PALM2AKAP2: variants seen among roughly 807,000 people sequenced by gnomAD.
PALM2AKAP2 encodes the protein PALM2-AKAP2 fusion protein.
In PALM2AKAP2, 37 loss-of-function variants were observed where a neutral mutation model predicts 71.5. The ratio of observed to expected loss-of-function variants is 0.52; its 90% CI spans 0.40 to 0.68. PALM2AKAP2 has a LOEUF of 0.68. Ranked by LOEUF, PALM2AKAP2 falls within the 30% of genes least tolerant of loss-of-function variation. The probability of loss-of-function intolerance (pLI) is 0.00; values close to 1 mark genes in which losing one functional copy is unlikely to be tolerated. For missense variants in PALM2AKAP2, 1,224 were observed against 1,191.8 expected (o/e 1.03, Z -0.40); for synonymous variants, 468 against 478.8 (o/e 0.98, Z 0.29).
At chr9:109,946,770 G>T (rs1016950493) in intron 6 of PALM2AKAP2, 1 of 151,290 alleles carries the variant, frequency 6.6e-6, no homozygotes, top group Non-Finnish European at 1.5e-5. Flanking sequence ...GGAAAAGGGG[G>T]GGTATCTCAT....
chr9:109,855,697 A>G (rs1018835279), intron 1 of PALM2AKAP2, among the ~76,000 whole-genome samples: 5 of 152,166 alleles, frequency 3.3e-5, no homozygotes, highest in African/African-American at 7.2e-5. Flanking sequence ...AAAATTTTCT[A>G]CTTTTAAACC....
At chr9:109,670,181 C>A (rs1827553209) in intron 1 of PALM2AKAP2, among the ~76,000 whole-genome samples, 1 of 152,070 alleles carries the variant, frequency 6.6e-6, no homozygotes, top group Non-Finnish European at 1.5e-5. Context: ...AGACTTGTGT[C>A]ATGGGAGTTT....
chr9:109,845,498 C>G (rs958375141), intron 1 of PALM2AKAP2, among the ~76,000 whole-genome samples: 1 of 152,184 alleles, frequency 6.6e-6, no homozygotes, highest in Non-Finnish European at 1.5e-5. Flanking sequence ...CTCCAGTGAG[C>G]AGAGGAATTG....
intron 1 of PALM2AKAP2, among the ~76,000 whole-genome samples, chr9:110,130,476 T>C (rs1449805074): frequency 6.6e-6 from 1 of 152,246 alleles, no homozygotes; most frequent in Non-Finnish European, 1.5e-5. Flanking sequence ...TAAACACTTT[T>C]TGGTAAATAA....
intron 1 of PALM2AKAP2, among the ~76,000 whole-genome samples, chr9:109,668,256 T>C (rs930743441): frequency 6.6e-6 from 1 of 152,188 alleles, no homozygotes; most frequent in Non-Finnish European, 1.5e-5. Flanking sequence ...TTAAAGTAAT[T>C]GAGCTACATA....
intron 1 of PALM2AKAP2, among the ~76,000 whole-genome samples, chr9:109,676,203 C>G (rs974176494): frequency 6.6e-6 from 1 of 152,164 alleles, no homozygotes; most frequent in African/African-American, 2.4e-5. Context: ...GCTCCTTCAT[C>G]TGTATTATTC....
intron 1 of PALM2AKAP2, among the ~76,000 whole-genome samples, chr9:109,705,183 G>T (rs1828123461): frequency 1.3e-5 from 2 of 152,066 alleles, no homozygotes; most frequent in Admixed American, 1.3e-4. Flanking sequence ...TCATTGACTT[G>T]GAAAACAAGT....
intron 1 of PALM2AKAP2, among the ~76,000 whole-genome samples, chr9:109,766,979 A>G (rs943532389): frequency 1.3e-5 from 2 of 152,062 alleles, no homozygotes; most frequent in Non-Finnish European, 2.9e-5. Context: ...GGCATTTATG[A>G]GAGTGCTTAG....
chr9:109,810,498 A>G (rs1408580924), intron 1 of PALM2AKAP2, among the ~76,000 whole-genome samples: 2 of 152,184 alleles, frequency 1.3e-5, no homozygotes, highest in Non-Finnish European at 2.9e-5. Flanking sequence ...TGTCCACTGG[A>G]TTTAGTAGCA....
intron 2 of PALM2AKAP2, among the ~76,000 whole-genome samples, chr9:110,139,502 AT>A (rs1835976253): frequency 6.6e-6 from 1 of 152,190 alleles, no homozygotes; most frequent in Non-Finnish European, 1.5e-5. Context: ...CAAGCGTGGG[AT>A]TTTTGTATTT....
intron 1 of PALM2AKAP2, among the ~76,000 whole-genome samples, chr9:109,700,265 T>C (rs1227094786): frequency 6.6e-6 from 1 of 152,084 alleles, no homozygotes; most frequent in African/African-American, 2.4e-5. Flanking sequence ...GGGTGGGTTT[T>C]TCCTGTGCTG....
At chr9:109,761,264 A>G (rs1052224965) in intron 1 of PALM2AKAP2, among the ~76,000 whole-genome samples, 17 of 152,216 alleles carry the variant, frequency 1.1e-4, no homozygotes, top group African/African-American at 4.1e-4. Flanking sequence ...CTTTCCTAAA[A>G]CCAACCTGAA....
At chr9:110,065,607 A>C (rs1834062047) in intron 1 of PALM2AKAP2, among the ~76,000 whole-genome samples, 1 of 152,192 alleles carries the variant, frequency 6.6e-6, no homozygotes, top group Non-Finnish European at 1.5e-5. Flanking sequence ...TGTGGTATTA[A>C]GTACATTCAC....
At chr9:109,673,250 A>G (rs774961471) in intron 1 of PALM2AKAP2, among the ~76,000 whole-genome samples, 7 of 152,114 alleles carry the variant, frequency 4.6e-5, no homozygotes, top group Non-Finnish European at 1.0e-4. Context: ...ATTTAATGCT[A>G]TAAATTTCCT....
At chr9:109,855,965 A>G (rs1829153400) in intron 1 of PALM2AKAP2, among the ~76,000 whole-genome samples, 1 of 152,214 alleles carries the variant, frequency 6.6e-6, no homozygotes, top group African/African-American at 2.4e-5. Flanking sequence ...AAAACATTGC[A>G]ATTATTAACA....
At chr9:109,958,034 T>A (rs570858622) in intron 6 of PALM2AKAP2, among the ~76,000 whole-genome samples, 1 of 152,186 alleles carries the variant, frequency 6.6e-6, no homozygotes, top group South Asian at 2.1e-4. Context: ...AAGCCTCAGT[T>A]TCTTCTTCTG....
At chr9:109,746,743 A>ATTT (rs1326245201) in intron 1 of PALM2AKAP2, among the ~76,000 whole-genome samples, 2 of 152,170 alleles carry the variant, frequency 1.3e-5, no homozygotes, top group African/African-American at 4.8e-5. Context: ...ACCCTATGAG[A>ATTT]TAGTCCTATT....
chr9:109,737,318 C>T (rs971721858), intron 1 of PALM2AKAP2, among the ~76,000 whole-genome samples: 1 of 152,212 alleles, frequency 6.6e-6, no homozygotes, highest in Non-Finnish European at 1.5e-5. Flanking sequence ...AGACATGACC[C>T]ATGGATCTAT....
intron 1 of PALM2AKAP2, among the ~76,000 whole-genome samples, chr9:109,794,018 G>A (rs1363964189): frequency 3.3e-5 from 5 of 152,154 alleles, no homozygotes; most frequent in South Asian, 2.1e-4. Flanking sequence ...TCTACATGGC[G>A]TATTTCAATG....
Sources: gnomAD v4.1 joint callset for allele counts (sites outside exome capture counted in the v4.1 genomes callset) on GRCh38, gnomAD v4.1.1 for gene constraint, MANE v1.5 for transcripts, NCBI Gene and HGNC (gene_info 2026-07-23, HGNC 2026-07-21) for gene names.